The following CFTR variants were observed in gnomAD, a reference collection of about 807,000 sequenced individuals.
CFTR encodes the protein CF transmembrane conductance regulator.
Under a neutral mutation model 171.6 loss-of-function variants are expected in CFTR, and 181 were observed. That is an observed-to-expected ratio of 1.05 (90% CI 0.93 to 1.19). CFTR has a LOEUF of 1.19. Ranked by LOEUF, CFTR falls within the 50% of genes most tolerant of loss-of-function variation. The pLI is 0.00. For synonymous variants in CFTR, 583 were observed against 608.0 expected, an observed-to-expected ratio of 0.96 and a Z score of 0.60; for missense variants, 1,968 against 1,734.7, an observed-to-expected ratio of 1.13 and a Z score of -2.39.
At chr7:117,590,270 G>A in intron 12 of CFTR, 83 bp from the exon 13 acceptor site, 2 of 1,518,080 alleles carry the variant, frequency 1.3e-6, no homozygotes, top group South Asian at 2.3e-5. Context: ...AATGCATGTA[G>A]TGAACTGTTT....
intron 10 of CFTR, among the ~76,000 whole-genome samples, chr7:117,556,512 CTTTTTTTTTT>C (rs55700428): frequency 4.4e-5 from 2 of 45,922 alleles, no homozygotes; most frequent in Non-Finnish European, 7.2e-5. Flanking sequence ...TGTTTCATTT[CTTTTTTTTTT>C]TTTTTTTTTT....
At chr7:117,484,626 A>G (rs996774752) in intron 1 of CFTR, among the ~76,000 whole-genome samples, 1 of 152,134 alleles carries the variant, frequency 6.6e-6, no homozygotes, top group Non-Finnish European at 1.5e-5. Flanking sequence ...AATTTTGATT[A>G]GCTTAACTCT....
chr7:117,502,514 A>G (rs183371318), intron 1 of CFTR, among the ~76,000 whole-genome samples: 4 of 152,334 alleles, frequency 2.6e-5, no homozygotes, highest in Admixed American at 1.3e-4. Flanking sequence ...AATCTAAATT[A>G]TATCATAAAT....
chr7:117,571,642 T>C (rs1791691149), intron 11 of CFTR, among the ~76,000 whole-genome samples: 1 of 152,178 alleles, frequency 6.6e-6, no homozygotes, highest in African/African-American at 2.4e-5. Context: ...TTTTCCAATA[T>C]TATTTCCGAA....
At chr7:117,543,385 T>C (rs1799089631) in intron 9 of CFTR, among the ~76,000 whole-genome samples, 1 of 152,184 alleles carries the variant, frequency 6.6e-6, no homozygotes, top group Non-Finnish European at 1.5e-5. Flanking sequence ...AAATATGCAG[T>C]TTGACATTTT....
At chr7:117,623,155 C>T (rs1792606123) in intron 21 of CFTR, among the ~76,000 whole-genome samples, 1 of 152,176 alleles carries the variant, frequency 6.6e-6, no homozygotes, top group African/African-American at 2.4e-5. Flanking sequence ...GAGGTCTGCA[C>T]AACTTATGTC....
chr7:117,612,059 A>ATG (rs1359142339), intron 20 of CFTR, among the ~76,000 whole-genome samples: 4 of 131,058 alleles, frequency 3.1e-5, no homozygotes, highest in East Asian at 2.3e-4. Flanking sequence ...ATATACATAT[A>ATG]TATATATAGT....
chr7:117,606,774 T>C, intron 18 of CFTR, 21 bp downstream of exon 18: 1 of 1,259,656 alleles, frequency 7.9e-7, no homozygotes, highest in Non-Finnish European at 1.2e-6. Flanking sequence ...ATAAGTACCG[T>C]TAAGTATGTC....
Position 117,666,930 on chromosome 7 carries a change from G to C in CFTR, c.4265G>C (p.Arg1422Pro), listed in dbSNP as rs780785939. ...TAGGTCATAGAAGAGAACAAAGTGC[G>C]GCAGTACGATTCCATCCAGAAACTG... ...QFLVIEENKV[R>P]QYDSIQKLLN... is the part of the protein sequence containing the mutation. The change falls in exon 27 of 27, where the codon CGG (arginine) becomes CCG (proline). Residue 1422 changes from arginine (R) to proline (P), a missense_variant. Transcript: ENST00000003084. The C allele has an allele frequency of 6.2e-7, 1 of 1,613,884 alleles. No individual in the cohort carries two copies. Among genetic ancestry groups the C allele is most frequent in the Non-Finnish European group, 8.5e-7 (1 of 1,179,970 alleles).
rs1798859106 is a variant in CFTR, at chr7:117,531,123, T to C, written c.489+9T>C. The stretch of plus-strand genomic sequence containing the variant: ...GTTTGATTTATAAGAAGGTAATACT[T>C]CCTTGCACAGGCCCCATGGCACATA... On this transcript the variant is annotated intron_variant, in intron 4 of 26. Coordinates refer to ENST00000003084, the MANE Select transcript of CFTR (RefSeq NM_000492.4). 1 of 1,588,854 alleles carries C rather than the reference T, an allele frequency of 6.3e-7. No individual in the cohort carries two copies. The highest frequency in any genetic ancestry group is 1.3e-5 in the African/African-American group (1 of 74,448).
chr7:117,569,150 T>C (rs1390101452), intron 11 of CFTR, among the ~76,000 whole-genome samples: 1 of 152,052 alleles, frequency 6.6e-6, no homozygotes, highest in African/African-American at 2.4e-5. Context: ...ATATCACCAA[T>C]GGTGAGTGTA....
At chr7:117,606,880 G>C in intron 18 of CFTR, 127 bp downstream of exon 18, 3 of 721,088 alleles carry the variant, frequency 4.2e-6, no homozygotes, top group Non-Finnish European at 7.5e-6. Context: ...CATTAATTTT[G>C]TAATTATCCA....
In CFTR at chr7:117,592,088, A is replaced by G. The variant is rs752666475; in HGVS notation, c.1921A>G (p.Ser641Gly). Reference protein sequence around the residue: ...SELQNLQPDFSSKLMGCDSFD... With the variant: ...SELQNLQPDFGSKLMGCDSFD... ...ACTCCAAAATCTACAGCCAGACTTT[A>G]GCTCAAAACTCATGGGATGTGATTC... is the stretch of plus-strand genomic sequence containing the variant. The change falls in exon 14 of 27, where the codon AGC becomes GGC. Residue 641 changes from serine to glycine, a missense_variant. By Grantham distance (56) the Ser-to-Gly change is moderately conservative (BLOSUM62 0). Coordinates refer to ENST00000003084, the MANE Select transcript of CFTR (RefSeq NM_000492.4). The G allele has an allele frequency of 6.2e-7, 1 of 1,613,550 alleles. No homozygotes were observed. The highest frequency in any genetic ancestry group is 1.1e-5 in the South Asian group (1 of 90,832).
At chr7:117,587,697 C>A in intron 11 of CFTR, 42 bp from the exon 12 acceptor site, 1 of 1,080,094 alleles carries the variant, frequency 9.3e-7, no homozygotes, top group Non-Finnish European at 1.4e-6. Flanking sequence ...TCAGATTGAG[C>A]ATACTAAAAG....
intron 10 of CFTR, among the ~76,000 whole-genome samples, chr7:117,554,861 G>A (rs1370945626): frequency 6.6e-6 from 1 of 152,090 alleles, no homozygotes. Context: ...CTTAATGAAA[G>A]CAATAGTAGA....
chr7:117,561,401 C>T (rs1432148235), intron 11 of CFTR, among the ~76,000 whole-genome samples: 1 of 151,850 alleles, frequency 6.6e-6, no homozygotes, highest in Non-Finnish European at 1.5e-5. Context: ...GTTGTATTAT[C>T]ATCACCATAT....
Position 117,487,671 on chromosome 7 carries a change from C to G in CFTR, c.53+7524C>G, listed in dbSNP as rs543272384. 4 of 152,216 alleles carry G rather than the reference C, an allele frequency of 2.6e-5. No homozygotes were observed. The South Asian group carries it at 8.3e-4, about 32-fold the overall frequency. 9.4% of individuals were successfully genotyped at this position (152,216 alleles called of 1,614,324 possible). On this transcript the variant is annotated intron_variant, in intron 1 of 26. Transcript: ENST00000003084. ...AGCTTTGTTAAATATGCAGAGTTCT[C>G]TTTCTTAGCATGGACTACAGAGGTG...
chr7:117,579,794 T>G (rs1055445371), intron 11 of CFTR, among the ~76,000 whole-genome samples: 1 of 151,526 alleles, frequency 6.6e-6, no homozygotes, highest in Non-Finnish European at 1.5e-5. Context: ...GAGAATATGA[T>G]ATATGATAGA....
At chr7:117,554,340 A>G (rs922420073) in intron 10 of CFTR, among the ~76,000 whole-genome samples, 2 of 152,298 alleles carry the variant, frequency 1.3e-5, no homozygotes, top group Admixed American at 1.3e-4. Flanking sequence ...GAACAATGGC[A>G]TATGAGAAAA....
Sources: gnomAD v4.1 joint callset for allele counts (sites outside exome capture counted in the v4.1 genomes callset) on GRCh38, gnomAD v4.1.1 for gene constraint, MANE v1.5 for transcripts, NCBI Gene and HGNC (gene_info 2026-07-23, HGNC 2026-07-21) for gene names.